Variants in BMAL2 observed in about 807,000 individuals in gnomAD.
BMAL2 encodes basic helix-loop-helix ARNT-like protein 2.
At chr12:27,339,751 A>C in the BMAL2 span, among the ~76,000 whole-genome samples, 1 of 151,454 alleles carries the variant, frequency 6.6e-6, no homozygotes, top group Non-Finnish European at 1.5e-5. Flanking sequence ...CAGCCTCCCC[A>C]GCAGCTGGAA....
At chr12:27,372,565 G>C in the BMAL2 span, among the ~76,000 whole-genome samples, 49 of 152,180 alleles carry the variant, frequency 3.2e-4, no homozygotes, top group Non-Finnish European at 6.0e-4. Flanking sequence ...TTTAGTTTTT[G>C]AGGAACTGCT....
At chr12:27,394,432 C>G in the BMAL2 span, 1 of 152,150 alleles carries the variant, frequency 6.6e-6, no homozygotes, top group Non-Finnish European at 1.5e-5. Flanking sequence ...GCCTCCCACA[C>G]GAGAATGAGA....
At chr12:27,422,254 T>A in the BMAL2 span, 1 of 152,226 alleles carries the variant, frequency 6.6e-6, no homozygotes, top group Non-Finnish European at 1.5e-5. Flanking sequence ...TGGGAACTCA[T>A]GGGGCAGCCC....
At chr12:27,405,617 C>T in the BMAL2 span, among the ~76,000 whole-genome samples, 2 of 152,082 alleles carry the variant, frequency 1.3e-5, no homozygotes, top group Admixed American at 1.3e-4. Context: ...TCATCAAAGA[C>T]CAAAGGTAGA....
chr12:27,410,571 A>C, the BMAL2 span, among the ~76,000 whole-genome samples: 2 of 152,130 alleles, frequency 1.3e-5, no homozygotes, highest in Non-Finnish European at 2.9e-5. Context: ...CAGGAAGGGG[A>C]ACATCACACA....
chr12:27,393,114 CATTCA>C, the BMAL2 span, among the ~76,000 whole-genome samples: 1 of 152,156 alleles, frequency 6.6e-6, no homozygotes, highest in African/African-American at 2.4e-5. Flanking sequence ...CCCATATCTA[CATTCA>C]AACTAATTTA....
At chr12:27,391,006 C>T in the BMAL2 span, among the ~76,000 whole-genome samples, 13 of 152,194 alleles carry the variant, frequency 8.5e-5, no homozygotes, top group African/African-American at 3.1e-4. Flanking sequence ...TTATTTAACG[C>T]TAACCCTGTG....
At chr12:27,348,029 A>G in the BMAL2 span, among the ~76,000 whole-genome samples, 1 of 152,230 alleles carries the variant, frequency 6.6e-6, no homozygotes, top group Non-Finnish European at 1.5e-5. Flanking sequence ...AGGCTAGCAC[A>G]GCATAATCCC....
At chr12:27,412,646 T>C in the BMAL2 span, among the ~76,000 whole-genome samples, 1 of 152,006 alleles carries the variant, frequency 6.6e-6, no homozygotes, top group Non-Finnish European at 1.5e-5. Flanking sequence ...CACATGTGTG[T>C]GTCCCAGAAG....
At chr12:27,361,896 C>G in the BMAL2 span, among the ~76,000 whole-genome samples, 2 of 152,030 alleles carry the variant, frequency 1.3e-5, no homozygotes, top group African/African-American at 4.8e-5. Context: ...ACCCTTAAAG[C>G]TTCAGATTTT....
At chr12:27,351,210 A>G in the BMAL2 span, among the ~76,000 whole-genome samples, 1 of 151,146 alleles carries the variant, frequency 6.6e-6, no homozygotes, top group African/African-American at 2.4e-5. Flanking sequence ...ATGGTCTCAA[A>G]CTCTTGGACT....
the BMAL2 span, among the ~76,000 whole-genome samples, chr12:27,378,189 A>G: frequency 1.3e-5 from 2 of 152,158 alleles, no homozygotes; most frequent in African/African-American, 2.4e-5. Flanking sequence ...TCTACGTTTT[A>G]TCTTCTGTGG....
the BMAL2 span, among the ~76,000 whole-genome samples, chr12:27,346,067 C>T: frequency 6.6e-6 from 1 of 152,178 alleles, no homozygotes; most frequent in African/African-American, 2.4e-5. Context: ...AATGAATGAG[C>T]TTGGGAACCA....
the BMAL2 span, among the ~76,000 whole-genome samples, chr12:27,392,783 T>A: frequency 6.6e-6 from 1 of 152,220 alleles, no homozygotes; most frequent in Admixed American, 6.5e-5. Context: ...AAATTTTGTA[T>A]GTGTTTTAAA....
the BMAL2 span, chr12:27,420,946 A>G: frequency 6.4e-6 from 1 of 156,314 alleles, no homozygotes; most frequent in African/African-American, 2.4e-5. Context: ...AACATTTTCC[A>G]TTCCTTGCGA....
At chr12:27,406,615 A>C in the BMAL2 span, among the ~76,000 whole-genome samples, 6 of 152,242 alleles carry the variant, frequency 3.9e-5, no homozygotes, top group African/African-American at 1.4e-4. Context: ...GGAAAGGAAC[A>C]ACCAGTACCA....
chr12:27,402,248 A>C, the BMAL2 span, among the ~76,000 whole-genome samples: 1 of 152,264 alleles, frequency 6.6e-6, no homozygotes, highest in African/African-American at 2.4e-5. Context: ...AAATTGCTGT[A>C]AGGTTTCCTT....
the BMAL2 span, among the ~76,000 whole-genome samples, chr12:27,408,978 T>G: frequency 6.6e-6 from 1 of 152,122 alleles, no homozygotes; most frequent in African/African-American, 2.4e-5. Context: ...AAATCATGAG[T>G]GAACTCCCAT....
chr12:27,362,023 G>T, the BMAL2 span, among the ~76,000 whole-genome samples: 8 of 135,058 alleles, frequency 5.9e-5, no homozygotes, highest in African/African-American at 9.1e-5. Context: ...AGAATGGGAG[G>T]CAAAAAAAAA....
Sources: allele counts gnomAD v4.1 joint callset (sites outside exome capture counted in the v4.1 genomes callset), GRCh38; gene constraint gnomAD v4.1.1; transcripts MANE v1.5; gene names NCBI Gene and HGNC (gene_info 2026-07-23, HGNC 2026-07-21).